Variants in FBLN1 observed in about 807,000 individuals in gnomAD.
FBLN1 encodes the protein fibulin 1.
A neutral mutation model predicts 89.7 loss-of-function variants in FBLN1; 34 were observed. The observed-to-expected ratio is 0.38, with a 90% CI of 0.29 to 0.50. The LOEUF (loss-of-function observed/expected upper bound fraction) is 0.50. Ranked by LOEUF, FBLN1 falls within the 20% of genes least tolerant of loss-of-function variation. The probability of loss-of-function intolerance (pLI) is 0.92; values close to 1 mark genes in which losing one functional copy is unlikely to be tolerated. For missense variants in FBLN1, 777 were observed against 988.1 expected, an observed-to-expected ratio of 0.79 and a Z score of 2.86; for synonymous variants, 393 against 391.3, an observed-to-expected ratio of 1.00 and a Z score of -0.05.
At chr22:45,596,175 T>A (rs932992916) in intron 16 of FBLN1, among the ~76,000 whole-genome samples, 4 of 152,222 alleles carry the variant, frequency 2.6e-5, no homozygotes, top group African/African-American at 9.6e-5. Context: ...GGCCAAAGGT[T>A]GCTGTTTTTA....
chr22:45,554,146 C>A (rs117416182), intron 14 of FBLN1, among the ~76,000 whole-genome samples: 2,398 of 152,318 alleles, frequency 0.016, 23 homozygotes, highest in Non-Finnish European at 0.025. Context: ...GCCAGTAGAG[C>A]GGGAGGACGA....
At chr22:45,506,001 T>C (rs1206323457) in intron 1 of FBLN1, among the ~76,000 whole-genome samples, 1 of 152,188 alleles carries the variant, frequency 6.6e-6, no homozygotes, top group Non-Finnish European at 1.5e-5. Context: ...ACTCCTGACC[T>C]CAGGTGATCC....
chr22:45,542,846 G>A (rs1314781962), intron 10 of FBLN1, among the ~76,000 whole-genome samples: 1 of 152,226 alleles, frequency 6.6e-6, no homozygotes, highest in Non-Finnish European at 1.5e-5. Flanking sequence ...GAGGGCACAA[G>A]TTCAGATGTG....
chr22:45,517,399 C>T (rs2088184061), intron 1 of FBLN1: 22 of 360,036 alleles, frequency 6.1e-5, no homozygotes, highest in South Asian at 4.3e-4. Context: ...TCCCTTGGGG[C>T]ACAATGGGGT....
chr22:45,517,836 ATGG>A (rs1188346475), intron 1 of FBLN1: 4 of 351,438 alleles, frequency 1.1e-5, no homozygotes, highest in African/African-American at 8.7e-5. Flanking sequence ...TGGTCTAGAA[ATGG>A]TGGTTTTTAG....
chr22:45,529,526 C>G (rs1362624443), intron 4 of FBLN1, among the ~76,000 whole-genome samples: 4 of 152,108 alleles, frequency 2.6e-5, no homozygotes, highest in African/African-American at 9.7e-5. Context: ...AGTTTTCGGC[C>G]TGTTCCCTCC....
chr22:45,528,099 A>C, intron 4 of FBLN1, 90 bp downstream of exon 4: 1 of 1,465,080 alleles, frequency 6.8e-7, no homozygotes, highest in Non-Finnish European at 9.4e-7. Flanking sequence ...GAGAGATTTT[A>C]AGGACTTGGC....
At chr22:45,548,985 C>T in intron 13 of FBLN1, among the ~76,000 whole-genome samples, 1 of 152,182 alleles carries the variant, frequency 6.6e-6, no homozygotes, top group East Asian at 1.9e-4. Context: ...CCTGTGGCGG[C>T]TGCATCCGGC....
rs1408127448 is a variant in FBLN1, at chr22:45,533,632, T to C, written c.647-129T>C. 12 of 1,020,764 alleles carry C rather than the reference T, an allele frequency of 1.2e-5. No individual in the cohort carries two copies. In the South Asian group the frequency reaches 1.4e-4, roughly 12 times the overall value. The allele number at this position is 1,020,764 out of a possible 1,614,324, so 63.2% of individuals were successfully genotyped here. On this transcript the variant is annotated intron_variant, in intron 6 of 16. Transcript: ENST00000327858. The stretch of plus-strand genomic sequence containing the variant: ...GTCCACAGCCCGGATGTGCACATGG[T>C]GGACCTGAGCTCAGTTTGCGAGGGT...
chr22:45,566,569 G>A (rs979554505), intron 14 of FBLN1, among the ~76,000 whole-genome samples: 5 of 152,182 alleles, frequency 3.3e-5, no homozygotes, highest in Non-Finnish European at 2.9e-5. Flanking sequence ...TGGATACATC[G>A]TCAGCCTTTC....
At chr22:45,534,002 CT>C (rs1488719213) in intron 7 of FBLN1, 104 bp downstream of exon 7, 2 of 1,499,672 alleles carry the variant, frequency 1.3e-6, no homozygotes, top group African/African-American at 1.4e-5. Flanking sequence ...CCTGCGCCCT[CT>C]GTGGCTGCCT....
At chr22:45,592,153 C>T (rs758045520) in intron 16 of FBLN1, among the ~76,000 whole-genome samples, 45 of 152,168 alleles carry the variant, frequency 3.0e-4, no homozygotes, top group Admixed American at 5.9e-4. Context: ...TTTTTCTCCC[C>T]AGGAGAAGGA....
At chr22:45,585,570 G>A (rs969520613) in intron 16 of FBLN1, among the ~76,000 whole-genome samples, 26 of 152,198 alleles carry the variant, frequency 1.7e-4, no homozygotes, top group Admixed American at 2.0e-4. Flanking sequence ...GGGATGACGC[G>A]CTTTCTCTTT....
intron 14 of FBLN1, among the ~76,000 whole-genome samples, chr22:45,559,104 A>G (rs2088823554): frequency 6.6e-6 from 1 of 152,242 alleles, no homozygotes; most frequent in African/African-American, 2.4e-5. Context: ...TGGCCTTGCC[A>G]GCTGAAGACA....
In FBLN1 at chr22:45,600,835, T is replaced by C. The variant is rs1920926293; in HGVS notation, c.*389T>C. 1 of 260,624 alleles carries C rather than the reference T, an allele frequency of 3.8e-6. No individual in the cohort carries two copies. Among genetic ancestry groups the C allele is most frequent in the African/African-American group, 2.3e-5 (1 of 44,436 alleles). 16.1% of individuals were successfully genotyped at this position (260,624 alleles called of 1,614,324 possible). A position where few individuals can be genotyped will look rare whatever the true frequency, so the allele number is the denominator to read the frequency against. On this transcript the variant is annotated 3_prime_UTR_variant, in exon 17 of 17. Coordinates refer to ENST00000327858, the MANE Select transcript of FBLN1 (RefSeq NM_006486.3). Reference sequence around the variant, plus strand: ...TATGAAATTTGACATTTTGGCACTTTTTTTTTTTTTTTGGCCAATCAGATT... The same window carrying C: ...TATGAAATTTGACATTTTGGCACTTCTTTTTTTTTTTTGGCCAATCAGATT...
chr22:45,507,050 G>T (rs1292664167), intron 1 of FBLN1, among the ~76,000 whole-genome samples: 1 of 152,088 alleles, frequency 6.6e-6, no homozygotes, highest in Non-Finnish European at 1.5e-5. Context: ...GGTGGGAGGG[G>T]GGAACCACTG....
At chr22:45,551,938 G>T (rs890991637) in intron 14 of FBLN1, among the ~76,000 whole-genome samples, 1 of 152,364 alleles carries the variant, frequency 6.6e-6, no homozygotes, top group Admixed American at 6.5e-5. Flanking sequence ...CGAAGAGGGG[G>T]AGGCTGCCCT....
At chr22:45,599,946 G>A (rs1447799840) in intron 16 of FBLN1, among the ~76,000 whole-genome samples, 1 of 152,152 alleles carries the variant, frequency 6.6e-6, no homozygotes, top group Non-Finnish European at 1.5e-5. Flanking sequence ...AAAAACACCT[G>A]TCAGGTAAAT....
At chr22:45,529,574 AAG>A (rs1487972817) in intron 4 of FBLN1, among the ~76,000 whole-genome samples, 1 of 152,192 alleles carries the variant, frequency 6.6e-6, no homozygotes, top group Non-Finnish European at 1.5e-5. Context: ...TAAAAAATAA[AAG>A]AGGTGTGAGC....
Sources: gnomAD v4.1 joint callset for allele counts (sites outside exome capture counted in the v4.1 genomes callset) on GRCh38, gnomAD v4.1.1 for gene constraint, MANE v1.5 for transcripts, NCBI Gene and HGNC (gene_info 2026-07-23, HGNC 2026-07-21) for gene names.